The following PCDH15 variants were observed in gnomAD, a reference collection of about 807,000 sequenced individuals.
The protein encoded by PCDH15 is protocadherin related 15.
PCDH15 carries 129 observed loss-of-function variants against 178.5 expected under a neutral mutation model. The ratio of observed to expected loss-of-function variants is 0.72; its 90% CI spans 0.63 to 0.84. The LOEUF (loss-of-function observed/expected upper bound fraction) is 0.84, where lower values mean the gene tolerates loss of function less well. Ranked by LOEUF, PCDH15 falls within the 40% of genes least tolerant of loss-of-function variation. PCDH15 has a pLI of 0.00. For missense variants in PCDH15, 2,230 were observed against 2,099.9 expected (o/e 1.06, Z -1.21); for synonymous variants, 800 against 732.0 (o/e 1.09, Z -1.50).
At chr10:54,561,870 G>A (rs1005988560) in intron 2 of PCDH15, among the ~76,000 whole-genome samples, 5 of 150,734 alleles carry the variant, frequency 3.3e-5, no homozygotes, top group Admixed American at 6.6e-5. Flanking sequence ...TTTTAGTAGC[G>A]ACAGGGTTTC....
chr10:55,079,382 G>T (rs1841983924), intron 2 of PCDH15, among the ~76,000 whole-genome samples: 1 of 152,172 alleles, frequency 6.6e-6, no homozygotes, highest in African/African-American at 2.4e-5. Context: ...TAACTGTGAT[G>T]TCCTTGGTGA....
intron 2 of PCDH15, among the ~76,000 whole-genome samples, chr10:55,138,636 CA>C (rs1319660324): frequency 6.6e-6 from 1 of 151,908 alleles, no homozygotes. Context: ...TTTATTGAGG[CA>C]AAAATTATAT....
chr10:55,318,277 A>G (rs914336146), intron 1 of PCDH15, among the ~76,000 whole-genome samples: 1 of 152,158 alleles, frequency 6.6e-6, no homozygotes, highest in African/African-American at 2.4e-5. Flanking sequence ...AGGGGTGTGG[A>G]TATCAATGAG....
intron 25 of PCDH15, among the ~76,000 whole-genome samples, chr10:53,927,046 T>C (rs1333106812): frequency 6.6e-5 from 10 of 152,140 alleles, no homozygotes; most frequent in Admixed American, 5.9e-4. Flanking sequence ...AACAGAATCA[T>C]ATTAGATGTG....
chr10:54,774,703 C>T (rs1348874957), intron 1 of PCDH15, among the ~76,000 whole-genome samples: 2 of 151,998 alleles, frequency 1.3e-5, no homozygotes, highest in Non-Finnish European at 1.5e-5. Flanking sequence ...ATTTAAATTC[C>T]AGTAGTAGGT....
chr10:54,303,083 G>T (rs1345327728), intron 8 of PCDH15, among the ~76,000 whole-genome samples: 2 of 152,088 alleles, frequency 1.3e-5, no homozygotes, highest in African/African-American at 4.8e-5. Flanking sequence ...AATTTCCACT[G>T]CTAGTATGAG....
intron 2 of PCDH15, among the ~76,000 whole-genome samples, chr10:55,391,096 T>G (rs1418939433): frequency 6.6e-6 from 1 of 152,172 alleles, no homozygotes; most frequent in Non-Finnish European, 1.5e-5. Flanking sequence ...GGTATCTTCC[T>G]CCAATACAAG....
chr10:53,878,215 AATATATAT>A (rs140273411), intron 26 of PCDH15, among the ~76,000 whole-genome samples: 1,604 of 127,438 alleles, frequency 0.013, 36 homozygotes, highest in African/African-American at 0.048. Context: ...ACACACTTTG[AATATATAT>A]ATATATATAT....
chr10:55,012,516 T>A (rs1260387261), intron 2 of PCDH15, among the ~76,000 whole-genome samples: 4 of 152,126 alleles, frequency 2.6e-5, no homozygotes, highest in Non-Finnish European at 5.9e-5. Flanking sequence ...AGCTCTAATA[T>A]AGTTGGTAGC....
intron 2 of PCDH15, among the ~76,000 whole-genome samples, chr10:55,386,094 T>A (rs563752957): frequency 1.3e-5 from 2 of 151,930 alleles, no homozygotes; most frequent in African/African-American, 4.8e-5. Flanking sequence ...AAATACTGTA[T>A]ATTTCTCATT....
At chr10:55,564,094 A>C (rs1230897030) in intron 2 of PCDH15, among the ~76,000 whole-genome samples, 2 of 151,836 alleles carry the variant, frequency 1.3e-5, no homozygotes, top group African/African-American at 4.8e-5. Context: ...TAATATATTA[A>C]ACAATTATTA....
At chr10:55,235,522 C>G (rs1841354232) in intron 1 of PCDH15, among the ~76,000 whole-genome samples, 1 of 152,032 alleles carries the variant, frequency 6.6e-6, no homozygotes, top group Non-Finnish European at 1.5e-5. Flanking sequence ...CCGTATTATG[C>G]TATGAGAAGA....
chr10:54,413,395 T>C (rs1311561239), intron 3 of PCDH15, among the ~76,000 whole-genome samples: 2 of 152,160 alleles, frequency 1.3e-5, no homozygotes, highest in African/African-American at 4.8e-5. Context: ...GGTCACTTCC[T>C]GCATCTCCAC....
At chr10:55,385,689 C>T (rs1037653440) in intron 2 of PCDH15, among the ~76,000 whole-genome samples, 1 of 97,226 alleles carries the variant, frequency 1.0e-5, no homozygotes, top group African/African-American at 3.9e-5. Context: ...TCTTCTTCCT[C>T]TGCCTATATA....
At chr10:55,017,360 T>TCC (rs1192418286) in intron 2 of PCDH15, among the ~76,000 whole-genome samples, 1 of 152,108 alleles carries the variant, frequency 6.6e-6, no homozygotes, top group Non-Finnish European at 1.5e-5. Flanking sequence ...CTAATGGGAG[T>TCC]GTATTATGTG....
At chr10:54,805,155 A>T (rs1952759297), upstream of PCDH15, among the ~76,000 whole-genome samples, 1 of 151,770 alleles carries the variant, frequency 6.6e-6, no homozygotes, top group African/African-American at 2.4e-5. Flanking sequence ...TCTCAAATAT[A>T]TGTCTTTGAG....
At chr10:54,707,352 A>T (rs1160009343) in intron 1 of PCDH15, among the ~76,000 whole-genome samples, 3 of 152,164 alleles carry the variant, frequency 2.0e-5, no homozygotes, top group African/African-American at 7.2e-5. Flanking sequence ...TCCATATAAA[A>T]TTGAGAGGAA....
chr10:55,364,060 TAGTG>T (rs1195789111), intron 2 of PCDH15, among the ~76,000 whole-genome samples: 22 of 152,084 alleles, frequency 1.4e-4, no homozygotes, highest in Non-Finnish European at 2.6e-4. Context: ...GTTCTCATGA[TAGTG>T]AGTGAGTGAG....
In PCDH15 at chr10:54,079,323, A is replaced by G. The variant is rs752225683; in HGVS notation, c.2091+8T>C. On this transcript the variant is annotated splice_region_variant and intron_variant, in intron 17 of 37. Transcript: ENST00000644397. ...TTTTTAAAACCCCTTCACAGGGAGC[A>G]TACTCACCCCATCTGGCCTGCCATC... The G allele has an allele frequency of 3.7e-6, 6 of 1,613,266 alleles. No individual in the cohort carries two copies. The highest frequency in any genetic ancestry group is 5.1e-6 in the Non-Finnish European group (6 of 1,179,308).
Sources: gnomAD v4.1 joint callset for allele counts (sites outside exome capture counted in the v4.1 genomes callset) on GRCh38, gnomAD v4.1.1 for gene constraint, MANE v1.5 for transcripts, NCBI Gene and HGNC (gene_info 2026-07-23, HGNC 2026-07-21) for gene names.